PTPRF: variants seen among roughly 807,000 people sequenced by gnomAD.
PTPRF encodes receptor-type tyrosine-protein phosphatase F.
PTPRF carries 59 observed loss-of-function variants against 201.8 expected under a neutral mutation model. That is an observed-to-expected ratio of 0.29 (90% CI 0.24 to 0.36). The LOEUF is 0.36. PTPRF is among the 10% of genes least tolerant of loss of function. The pLI is 1.00. For synonymous variants in PTPRF, 1,088 were observed against 1,089.7 expected (o/e 1.00, Z 0.03); for missense variants, 2,132 against 2,690.5 (o/e 0.79, Z 4.59).
intron 23 of PTPRF, among the ~76,000 whole-genome samples, chr1:43,615,951 C>T (rs187564428): frequency 1.3e-5 from 2 of 152,246 alleles, no homozygotes; most frequent in Admixed American, 1.3e-4. Flanking sequence ...GAGACACATG[C>T]CCTCAGGGAA....
At chr1:43,563,770 C>A (rs1395627278) in intron 5 of PTPRF, among the ~76,000 whole-genome samples, 1 of 152,088 alleles carries the variant, frequency 6.6e-6, no homozygotes, top group South Asian at 2.1e-4. Context: ...ACTGGAAGGG[C>A]CCGAACCTAG....
chr1:43,622,646 A>G lies in PTPRF; in HGVS notation c.*643A>G, dbSNP rs899323522. The G allele has an allele frequency of 2.0e-5, 3 of 152,594 alleles. No individual in the cohort carries two copies. Among genetic ancestry groups the G allele is most frequent in the Non-Finnish European group, 4.4e-5 (3 of 68,032 alleles). 9.5% of individuals were successfully genotyped at this position (152,594 alleles called of 1,614,324 possible). On this transcript the variant is annotated 3_prime_UTR_variant, in exon 34 of 34. Coordinates refer to ENST00000359947, the MANE Select transcript of PTPRF (RefSeq NM_002840.5). ...TTTCAGCTAAATGCAGGGAAACTCA[A>G]TGTTTTTTTAAGTTTTGTTTTCCCT...
At chr1:43,602,154 C>T (rs376977428) in intron 14 of PTPRF, 57 bp downstream of exon 14, 9 of 1,553,132 alleles carry the variant, frequency 5.8e-6, no homozygotes, top group East Asian at 4.5e-5. Context: ...GCTCGTGGGA[C>T]GCTCCTCCTC....
rs1644678591 is a variant in PTPRF, at chr1:43,546,428, T to A, written c.91+1262T>A. On this transcript the variant is annotated intron_variant, in intron 3 of 33. Coordinates refer to ENST00000359947, the MANE Select transcript of PTPRF (RefSeq NM_002840.5). This position sits in a 1 kb window ranked among gnomAD's most constrained non-coding sequence, Gnocchi z 4.2. ...ACATGGGGAAGTGGGGCAGGGGATC[T>A]CCAGGCCTGGCTGGAACCTGCAGGG... 6.6e-6 allele frequency among the ~76,000 whole-genome samples: 1 copy of A among 152,080 alleles called. No individual in the cohort carries two copies. Among genetic ancestry groups the A allele is most frequent in the Non-Finnish European group, 1.5e-5 (1 of 68,002 alleles).
chr1:43,563,338 C>T (rs1311133208), intron 5 of PTPRF, among the ~76,000 whole-genome samples: 2 of 152,034 alleles, frequency 1.3e-5, no homozygotes, highest in Non-Finnish European at 2.9e-5. Context: ...TTTGAGGAGG[C>T]GAGTTGGTGA....
At position 43,588,876 on chromosome 1, in the gene PTPRF, G is replaced by A. The variant is rs944869928; in HGVS notation, c.825G>A (p.Glu275=). The A allele has an allele frequency of 3.1e-6, 5 of 1,613,866 alleles. No individual in the cohort carries two copies. In the African/African-American group the frequency reaches 4.0e-5, roughly 13 times the overall value. ...WMMGAEELTK[E]DEMPVGRNVL... ...TGGGGGCCGAGGAGCTCACCAAGGA[G>A]GATGAGATGCCAGTTGGCCGCAACG... Residue 275 remains glutamate (E), a synonymous_variant, in exon 8 of 34, where the codon GAG becomes GAA. Coordinates refer to ENST00000359947, the MANE Select transcript of PTPRF (RefSeq NM_002840.5). This position sits in a 1 kb window ranked among gnomAD's most constrained non-coding sequence, Gnocchi z 5.3.
chr1:43,531,424 C>A (rs1048801094), intron 1 of PTPRF, among the ~76,000 whole-genome samples: 1 of 109,192 alleles, frequency 9.2e-6, no homozygotes, highest in Non-Finnish European at 1.8e-5. Flanking sequence ...CGCAAAGTTT[C>A]CCGTTTGCGT....
At chr1:43,592,365 C>T in intron 10 of PTPRF, 92 bp from the exon 11 acceptor site, 1 of 1,481,182 alleles carries the variant, frequency 6.8e-7, no homozygotes, top group Non-Finnish European at 9.1e-7. Context: ...CGTGGTGGGT[C>T]CAGAGGTGTC....
chr1:43,570,333 G>A (rs566408265), intron 6 of PTPRF, among the ~76,000 whole-genome samples: 2 of 152,368 alleles, frequency 1.3e-5, no homozygotes, highest in African/African-American at 4.8e-5. Context: ...GTGCAGGAGG[G>A]AGGTGTCACC....
intron 23 of PTPRF, among the ~76,000 whole-genome samples, chr1:43,616,351 T>A (rs1030363390): frequency 6.6e-6 from 1 of 151,290 alleles, no homozygotes; most frequent in African/African-American, 2.4e-5. Flanking sequence ...CTCTCCGAGG[T>A]GAAGAAGAGC....
chr1:43,597,336 G>A (rs1157526710), intron 11 of PTPRF, among the ~76,000 whole-genome samples: 1 of 152,094 alleles, frequency 6.6e-6, no homozygotes, highest in South Asian at 2.1e-4. Context: ...CTATGTATAT[G>A]TGACACTATG....
chr1:43,566,713 A>T (rs1646211574), intron 5 of PTPRF, among the ~76,000 whole-genome samples: 1 of 152,158 alleles, frequency 6.6e-6, no homozygotes, highest in South Asian at 2.1e-4. Context: ...GTCGCTCCTG[A>T]GGGGCTGGAG....
rs757885367 is a variant in PTPRF at position 43,603,625 on chromosome 1, A to G, written c.2473A>G (p.Thr825Ala). 5 of 1,612,942 alleles carry G rather than the reference A, an allele frequency of 3.1e-6. No homozygotes were observed. The highest frequency in any genetic ancestry group is 2.2e-5 in the East Asian group (1 of 44,852). The stretch of plus-strand genomic sequence containing the variant: ...TGGTCCTTCAGTCCCAGGCCGGCCC[A>G]CCATGATGATCAGCACCACGGCCAT... ...TTTGAVPGRP[T>A]MMISTTAMNT... is the part of the protein sequence containing the mutation. Residue 825 changes from threonine (T) to alanine (A), a missense_variant, in exon 16 of 34, where the codon ACC becomes GCC. Coordinates refer to ENST00000359947, the MANE Select transcript of PTPRF (RefSeq NM_002840.5). The surrounding 1 kb of genome is among the most constrained non-coding windows in gnomAD (Gnocchi z 5.8).
At chr1:43,559,356 C>T (rs1645625720) in intron 5 of PTPRF, among the ~76,000 whole-genome samples, 1 of 152,118 alleles carries the variant, frequency 6.6e-6, no homozygotes, top group African/African-American at 2.4e-5. Context: ...GTGCGTCAGG[C>T]AGTGCGTGGT....
At chr1:43,566,049 A>T (rs893498012) in intron 5 of PTPRF, among the ~76,000 whole-genome samples, 2 of 151,926 alleles carry the variant, frequency 1.3e-5, no homozygotes, top group Non-Finnish European at 2.9e-5. Context: ...CGTGTGGGGG[A>T]CCCTGGGGTT....
At chr1:43,581,062 G>A (rs918473770) in intron 7 of PTPRF, among the ~76,000 whole-genome samples, 1 of 152,216 alleles carries the variant, frequency 6.6e-6, no homozygotes, top group Non-Finnish European at 1.5e-5. Context: ...TTTGGAGATC[G>A]ACTGAGCTCA....
In PTPRF at chr1:43,612,882, G is replaced by A. The variant is rs1008540214; in HGVS notation, c.3974-736G>A. The A allele has an allele frequency of 2.7e-5, 31 of 1,143,812 alleles. No homozygotes were observed. The African/African-American group carries it at 3.2e-4, about 12-fold the overall frequency. 70.9% of individuals were successfully genotyped at this position (1,143,812 alleles called of 1,614,324 possible). On this transcript the variant is annotated intron_variant, in intron 22 of 33. Transcript: ENST00000359947. ...ACTCCTTACTTTTGTTTACCCCATCGCCTCCATCCTTCCTTGAATTCTTCT... is the reference window on the plus strand; with the variant it reads ...ACTCCTTACTTTTGTTTACCCCATCACCTCCATCCTTCCTTGAATTCTTCT...
At chr1:43,552,584 C>T (rs1645106933) in intron 3 of PTPRF, among the ~76,000 whole-genome samples, 1 of 152,126 alleles carries the variant, frequency 6.6e-6, no homozygotes, top group Non-Finnish European at 1.5e-5. Flanking sequence ...CAGCACTAGC[C>T]CTTTTTGGAG....
At chr1:43,618,563 TCCACCCTGCTTCTGCCCGTC>T in intron 25 of PTPRF, 47 bp from the exon 26 acceptor site, 1 of 1,552,474 alleles carries the variant, frequency 6.4e-7, no homozygotes, top group African/African-American at 1.4e-5. Context: ...TTGACCAGCC[TCCACCCTGCTTCTGCCCGTC>T]TGAGCCTGTG....
Sources: gnomAD v4.1 joint callset for allele counts (sites outside exome capture counted in the v4.1 genomes callset) on GRCh38, gnomAD v4.1.1 for gene constraint, Gnocchi (gnomAD v3.1) non-coding constraint, MANE v1.5 for transcripts, NCBI Gene and HGNC (gene_info 2026-07-23, HGNC 2026-07-21) for gene names.